The following NALF1 variants were observed in gnomAD, a reference collection of about 807,000 sequenced individuals.
NALF1 encodes family with sequence similarity 155 member A.
Under a neutral mutation model 48.4 loss-of-function variants are expected in NALF1, and 3 were observed. The observed-to-expected ratio is 0.06, with a 90% CI of 0.03 to 0.16. The LOEUF is 0.16. Among genes scored for constraint, NALF1 ranks in the 10% least tolerant of loss-of-function variants. The pLI, the probability that NALF1 is intolerant of heterozygous loss-of-function variation, is 1.00. For synonymous variants in NALF1, 262 were observed against 245.7 expected, an observed-to-expected ratio of 1.07 and a Z score of -0.62; for missense variants, 526 against 571.5, an observed-to-expected ratio of 0.92 and a Z score of 0.81.
chr13:107,180,330 CTG>C (rs1879035472), intron 2 of NALF1, among the ~76,000 whole-genome samples: 1 of 151,824 alleles, frequency 6.6e-6, no homozygotes, highest in Non-Finnish European at 1.5e-5. Context: ...CTTAAGGAAT[CTG>C]AGGGATAAAT....
chr13:107,370,902 A>C (rs930162515), intron 1 of NALF1, among the ~76,000 whole-genome samples: 8 of 152,270 alleles, frequency 5.3e-5, no homozygotes, highest in African/African-American at 1.7e-4. Flanking sequence ...AAATGATCAG[A>C]TCTCCTGAGA....
chr13:107,264,552 G>A (rs1161562602), intron 1 of NALF1, among the ~76,000 whole-genome samples: 1 of 152,122 alleles, frequency 6.6e-6, no homozygotes, highest in African/African-American at 2.4e-5. Flanking sequence ...AAATATAGGG[G>A]TATATGTGAG....
intron 1 of NALF1, among the ~76,000 whole-genome samples, chr13:107,722,428 T>C (rs756393723): frequency 9.8e-5 from 15 of 152,288 alleles, no homozygotes; most frequent in Middle Eastern, 3.4e-3. Flanking sequence ...TGATGGTTCA[T>C]GTCACTGAAA....
At chr13:107,848,266 G>T (rs1419080602) in intron 1 of NALF1, among the ~76,000 whole-genome samples, 1 of 152,148 alleles carries the variant, frequency 6.6e-6, no homozygotes, top group Non-Finnish European at 1.5e-5. Flanking sequence ...TCAAAAGTAT[G>T]GTTGGTAGGT....
At chr13:107,257,885 A>C (rs1327451628) in intron 1 of NALF1, among the ~76,000 whole-genome samples, 3 of 152,200 alleles carry the variant, frequency 2.0e-5, no homozygotes, top group African/African-American at 7.2e-5. Flanking sequence ...AATAAGAGGG[A>C]GAATTCAGCT....
chr13:107,338,791 G>T (rs956193923), intron 1 of NALF1, among the ~76,000 whole-genome samples: 1 of 152,124 alleles, frequency 6.6e-6, no homozygotes, highest in African/African-American at 2.4e-5. Context: ...GGACCTGTTT[G>T]CCCCGCGTGT....
At chr13:107,508,325 T>C in intron 1 of NALF1, among the ~76,000 whole-genome samples, 1 of 151,604 alleles carries the variant, frequency 6.6e-6, no homozygotes, top group South Asian at 2.1e-4. Flanking sequence ...TATACTCATG[T>C]ATATTAATGT....
chr13:107,856,828 C>G (rs1227318746), intron 1 of NALF1, among the ~76,000 whole-genome samples: 1 of 152,110 alleles, frequency 6.6e-6, no homozygotes, highest in Non-Finnish European at 1.5e-5. Context: ...AGGGTGGTGG[C>G]CGACAGCTCC....
chr13:107,170,916 T>G (rs1878789392), intron 2 of NALF1, 130 bp from the exon 3 acceptor site: 1 of 789,880 alleles, frequency 1.3e-6, no homozygotes, highest in Non-Finnish European at 2.0e-6. Context: ...TAAAGGAAAA[T>G]CAAGTCAATG....
rs555182445 is a variant in NALF1, at chr13:107,471,548, T to C, written c.916-260793A>G. On this transcript the variant is annotated intron_variant, in intron 1 of 2. Coordinates refer to ENST00000375915, the MANE Select transcript of NALF1 (RefSeq NM_001080396.3). ...AAAGTGCCATGGCGTGGATATTATG[T>C]AAGTTTCCAGTATGACTTTTAATTA... Among the ~76,000 whole-genome samples, 105 of 152,324 alleles carry C rather than the reference T, an allele frequency of 6.9e-4. 1 individual carries two copies. The highest frequency in any genetic ancestry group is 2.5e-3 in the African/African-American group (104 of 41,574).
At chr13:107,627,341 G>A (rs1318032526) in intron 1 of NALF1, among the ~76,000 whole-genome samples, 2 of 152,014 alleles carry the variant, frequency 1.3e-5, no homozygotes, top group East Asian at 1.9e-4. Context: ...CAAACCCTGT[G>A]TTATTAAAGA....
intron 1 of NALF1, among the ~76,000 whole-genome samples, chr13:107,459,643 C>G (rs1182082663): frequency 6.6e-6 from 1 of 152,052 alleles, no homozygotes; most frequent in African/African-American, 2.4e-5. Context: ...CCACACAGGC[C>G]CTGAAGCAGA....
intron 1 of NALF1, among the ~76,000 whole-genome samples, chr13:107,385,840 T>TAAACTCAGTTTAAAAATAGCATA (rs1883521937): frequency 6.6e-6 from 1 of 152,188 alleles, no homozygotes; most frequent in Non-Finnish European, 1.5e-5. Flanking sequence ...TTAAACATTT[T>TAAACTCAGTTTAAAAATAGCATA]TTTCTCACTC....
intron 2 of NALF1, among the ~76,000 whole-genome samples, chr13:107,181,572 GT>G (rs145158016): frequency 0.025 from 3,156 of 126,178 alleles, 115 homozygotes; most frequent in African/African-American, 0.084. Context: ...TCTTTAGAAA[GT>G]TTTTTTTTCA....
At chr13:107,284,428 T>C (rs140248881) in intron 1 of NALF1, among the ~76,000 whole-genome samples, 22 of 152,174 alleles carry the variant, frequency 1.4e-4, no homozygotes, top group African/African-American at 5.1e-4. Context: ...AGACTTTAAT[T>C]AACTGGCTTA....
At chr13:107,227,238 T>C (rs1250464549) in intron 1 of NALF1, among the ~76,000 whole-genome samples, 2 of 152,208 alleles carry the variant, frequency 1.3e-5, no homozygotes. Context: ...TGAAATGAAA[T>C]AAAGTTAAGG....
intron 1 of NALF1, among the ~76,000 whole-genome samples, chr13:107,795,907 A>G (rs1271483509): frequency 6.6e-6 from 1 of 152,100 alleles, no homozygotes; most frequent in South Asian, 2.1e-4. Context: ...TTAAACATAC[A>G]TTTTTTCTTT....
chr13:107,367,009 C>G (rs61967183), intron 1 of NALF1, among the ~76,000 whole-genome samples: 62,270 of 151,832 alleles, frequency 0.41, 13,092 homozygotes, highest in African/African-American at 0.49. Context: ...AAACTCCAGG[C>G]GTTATTTTAG....
chr13:107,347,693 A>C (rs911416815), intron 1 of NALF1, among the ~76,000 whole-genome samples: 2 of 152,216 alleles, frequency 1.3e-5, no homozygotes, highest in African/African-American at 4.8e-5. Context: ...AGTCTGTGTT[A>C]AGTCAAATGA....
Sources: gnomAD v4.1 joint callset for allele counts (sites outside exome capture counted in the v4.1 genomes callset) on GRCh38, gnomAD v4.1.1 for gene constraint, MANE v1.5 for transcripts, NCBI Gene and HGNC (gene_info 2026-07-23, HGNC 2026-07-21) for gene names.